SOBP: variants seen among roughly 807,000 people sequenced by gnomAD.
The protein encoded by SOBP is sine oculis-binding protein homolog.
In SOBP, 4 loss-of-function variants were observed where a neutral mutation model predicts 53.6. The observed-to-expected ratio is 0.07, with a 90% CI of 0.04 to 0.17. The LOEUF (loss-of-function observed/expected upper bound fraction) is 0.17, where lower values mean the gene tolerates loss of function less well. SOBP is among the 10% of genes least tolerant of loss of function. The pLI is 1.00. For missense variants in SOBP, 1,088 were observed against 1,204.7 expected, an observed-to-expected ratio of 0.90 and a Z score of 1.43; for synonymous variants, 584 against 522.6, an observed-to-expected ratio of 1.12 and a Z score of -1.60.
intron 5 of SOBP, among the ~76,000 whole-genome samples, chr6:107,587,714 C>T (rs975143820): frequency 6.6e-6 from 1 of 152,080 alleles, no homozygotes; most frequent in African/African-American, 2.4e-5. Flanking sequence ...GTTTACAAGT[C>T]GTGAGAGGGA....
chr6:107,573,312 TAAGAA>T (rs1785129935), intron 4 of SOBP, among the ~76,000 whole-genome samples: 1 of 152,058 alleles, frequency 6.6e-6, no homozygotes, highest in Admixed American at 6.5e-5. Context: ...ACTTTAATGA[TAAGAA>T]AAGATAGTGA....
At chr6:107,534,014 T>G (rs1424356893) in intron 4 of SOBP, among the ~76,000 whole-genome samples, 2 of 152,240 alleles carry the variant, frequency 1.3e-5, no homozygotes, top group Non-Finnish European at 2.9e-5. Flanking sequence ...AGTTTAATTC[T>G]TGTACCCAGT....
At chr6:107,491,510 T>G (rs866257540) in intron 1 of SOBP, among the ~76,000 whole-genome samples, 4 of 152,370 alleles carry the variant, frequency 2.6e-5, no homozygotes, top group African/African-American at 9.6e-5. Flanking sequence ...CGCAGCAGCC[T>G]GGCGCTCCAG....
intron 6 of SOBP, among the ~76,000 whole-genome samples, chr6:107,651,413 G>C (rs948127190): frequency 6.6e-6 from 1 of 152,178 alleles, no homozygotes; most frequent in African/African-American, 2.4e-5. Context: ...ACTTAATCCA[G>C]AGCAAGGCCC....
chr6:107,500,819 C>G (rs895022584), intron 1 of SOBP, among the ~76,000 whole-genome samples: 3 of 152,132 alleles, frequency 2.0e-5, no homozygotes, highest in Admixed American at 2.0e-4. Context: ...GCCACCACAC[C>G]CAGCCTTAAA....
chr6:107,542,768 T>G (rs1272129833), intron 4 of SOBP, among the ~76,000 whole-genome samples: 2 of 151,444 alleles, frequency 1.3e-5, no homozygotes, highest in African/African-American at 4.9e-5. Context: ...TGTGTTTTGT[T>G]TTTTTTTTGG....
chr6:107,620,894 G>T (rs1393639750), intron 5 of SOBP, among the ~76,000 whole-genome samples: 2 of 152,192 alleles, frequency 1.3e-5, no homozygotes, highest in African/African-American at 4.8e-5. Flanking sequence ...GTTGTATGAA[G>T]GGTCAGATGG....
chr6:107,533,676 A>C, intron 4 of SOBP, 66 bp downstream of exon 4: 5 of 1,598,836 alleles, frequency 3.1e-6, no homozygotes, highest in Non-Finnish European at 4.3e-6. Flanking sequence ...CATGTGCCTC[A>C]TAGCTTCTAG....
intron 5 of SOBP, among the ~76,000 whole-genome samples, chr6:107,588,494 A>G (rs920832736): frequency 2.6e-5 from 4 of 152,204 alleles, no homozygotes; most frequent in Non-Finnish European, 4.4e-5. Context: ...AGCATTACCT[A>G]TTCTGAGGAA....
At chr6:107,637,734 G>T (rs997212547) in intron 6 of SOBP, among the ~76,000 whole-genome samples, 2 of 152,248 alleles carry the variant, frequency 1.3e-5, no homozygotes, top group African/African-American at 4.8e-5. Context: ...TCATTGGAGT[G>T]AGAAGTGACC....
chr6:107,569,168 T>A (rs1260580997), intron 4 of SOBP, among the ~76,000 whole-genome samples: 1 of 152,164 alleles, frequency 6.6e-6, no homozygotes, highest in African/African-American at 2.4e-5. Context: ...CAGATTTTGC[T>A]TTTGGAAACA....
At chr6:107,577,603 A>G (rs1378691887) in intron 4 of SOBP, among the ~76,000 whole-genome samples, 1 of 152,216 alleles carries the variant, frequency 6.6e-6, no homozygotes, top group Non-Finnish European at 1.5e-5. Context: ...AGCATCACCT[A>G]CAGGATTAAT....
rs780466519 is a variant in SOBP at position 107,490,693 on chromosome 6, A to G, written c.77A>G (p.Glu26Gly). ...SRKPAHPVKR[E>G]INEEMKNFAE... Reference sequence around the variant, plus strand: ...AAGCCGGCTCACCCAGTGAAAAGGGAGATCAATGAGGAGATGAAGGTATTT... The same window carrying G: ...AAGCCGGCTCACCCAGTGAAAAGGGGGATCAATGAGGAGATGAAGGTATTT... The change falls in exon 1 of 7, where the codon GAG (glutamate) becomes GGG (glycine). Residue 26 changes from glutamate to glycine, a missense_variant. This residue lies in a region of SOBP where 37 missense variants were observed against 37.8 expected (regional missense o/e 0.98). Coordinates refer to ENST00000317357, the MANE Select transcript of SOBP (RefSeq NM_018013.4). 5.6e-6 allele frequency: 9 copies of G among 1,606,104 alleles called. No individual in the cohort carries two copies. The Admixed American group carries it at 1.5e-4, about 27-fold the overall frequency.
rs1293094251 is a variant in SOBP at position 107,587,150 on chromosome 6, C to T, written c.644C>T (p.Ala215Val). 1 of 1,613,518 alleles carries T rather than the reference C, an allele frequency of 6.2e-7. No individual in the cohort carries two copies. The highest frequency in any genetic ancestry group is 1.3e-5 in the African/African-American group (1 of 75,006). The change falls in exon 5 of 7, where the codon GCC becomes GTC. Residue 215 changes from alanine (A) to valine (V), a missense_variant. Ala to Val is a moderately conservative substitution (Grantham distance 64). This residue lies in a region of SOBP where 55 missense variants were observed against 134.3 expected (regional missense o/e 0.41). Transcript: ENST00000317357. ...TATGCTAAGGAAACTCCAAGGCTTG[C>T]CTTCAAGAATAACTGCGAACTACTT... ...QHYAKETPRL[A>V]FKNNCELLVC...
At chr6:107,523,459 T>G (rs1035290207) in intron 3 of SOBP, among the ~76,000 whole-genome samples, 1 of 152,280 alleles carries the variant, frequency 6.6e-6, no homozygotes, top group African/African-American at 2.4e-5. Flanking sequence ...TGCATACCCT[T>G]CAACCTACTG....
chr6:107,507,615 T>A (rs569200875), intron 3 of SOBP, among the ~76,000 whole-genome samples: 14 of 149,964 alleles, frequency 9.3e-5, no homozygotes, highest in South Asian at 2.1e-4. Flanking sequence ...CCTAAAACAG[T>A]TTTTTTAGCT....
intron 4 of SOBP, among the ~76,000 whole-genome samples, chr6:107,565,397 A>G (rs1256951391): frequency 6.6e-6 from 1 of 151,118 alleles, no homozygotes; most frequent in African/African-American, 2.4e-5. Flanking sequence ...GTCTCATGGT[A>G]GAGTTCTACG....
intron 4 of SOBP, among the ~76,000 whole-genome samples, chr6:107,577,708 T>C (rs1433341240): frequency 6.6e-6 from 1 of 152,186 alleles, no homozygotes; most frequent in Non-Finnish European, 1.5e-5. Flanking sequence ...GTAGGATGTG[T>C]CTTTTCTGGT....
chr6:107,634,089 T>C lies in SOBP; in HGVS notation c.1245T>C (p.Pro415=). ...QQIRPPFIRG[P]PHHASNPNSP... ...TCCGCCCGCCCTTCATCCGCGGGCCTCCGCACCATGCCTCCAACCCCAACA... is the reference window on the plus strand; with the variant it reads ...TCCGCCCGCCCTTCATCCGCGGGCCCCCGCACCATGCCTCCAACCCCAACA... Residue 415 remains proline (P), a synonymous_variant, in exon 6 of 7, where the codon CCT becomes CCC. Coordinates refer to ENST00000317357, the MANE Select transcript of SOBP (RefSeq NM_018013.4). The surrounding 1 kb of genome is among the most constrained non-coding windows in gnomAD (Gnocchi z 4.5). 6.2e-7 allele frequency: 1 copy of C among 1,600,862 alleles called. No individual in the cohort carries two copies. Among genetic ancestry groups the C allele is most frequent in the Non-Finnish European group, 8.5e-7 (1 of 1,173,236 alleles).
Sources: gnomAD v4.1 joint callset for allele counts (sites outside exome capture counted in the v4.1 genomes callset) on GRCh38, gnomAD v4.1.1 for gene constraint, gnomAD v4.1.1 regional missense constraint, Gnocchi (gnomAD v3.1) non-coding constraint, MANE v1.5 for transcripts, NCBI Gene and HGNC (gene_info 2026-07-23, HGNC 2026-07-21) for gene names.